The following BNC2 variants were observed in gnomAD, a reference collection of about 807,000 sequenced individuals.
The protein encoded by BNC2 is zinc finger protein basonuclin-2.
BNC2 carries 20 observed loss-of-function variants against 76.3 expected under a neutral mutation model. The observed-to-expected ratio is 0.26, with a 90% CI of 0.18 to 0.38. The LOEUF is 0.38. Among genes scored for constraint, BNC2 ranks in the 10% least tolerant of loss-of-function variants. The probability of loss-of-function intolerance (pLI) is 1.00; values close to 1 mark genes in which losing one functional copy is unlikely to be tolerated. For synonymous variants in BNC2, 582 were observed against 514.8 expected (o/e 1.13, Z -1.77); for missense variants, 1,382 against 1,399.8 (o/e 0.99, Z 0.20).
At chr9:16,530,681 G>C (rs1182115230) in intron 5 of BNC2, among the ~76,000 whole-genome samples, 2 of 152,230 alleles carry the variant, frequency 1.3e-5, no homozygotes, top group Non-Finnish European at 2.9e-5. Context: ...AATGCCTACT[G>C]TGTGAAAGAT....
intron 5 of BNC2, among the ~76,000 whole-genome samples, chr9:16,549,549 T>C (rs557861951): frequency 7.9e-5 from 12 of 152,322 alleles, no homozygotes; most frequent in African/African-American, 2.4e-4. Context: ...AGCCTACTTT[T>C]ACAAAAACGC....
Position 16,412,573 on chromosome 9 carries a change from CTTTA to C in BNC2, c.*6412_*6415del, listed in dbSNP as rs1159649277. 2 of 152,550 alleles carry C rather than the reference CTTTA, an allele frequency of 1.3e-5. No homozygotes were observed. The highest frequency in any genetic ancestry group is 2.4e-5 in the African/African-American group (1 of 41,418). The allele number at this position is 152,550 out of a possible 1,614,324, so 9.4% of individuals were successfully genotyped here. A position where few individuals can be genotyped will look rare whatever the true frequency, so the allele number is the denominator to read the frequency against. On this transcript the variant is annotated 3_prime_UTR_variant, in exon 7 of 7. Coordinates refer to ENST00000380672, the MANE Select transcript of BNC2 (RefSeq NM_017637.6). ...CACAGACAGCATCTCTCTACTGACC[CTTTA>C]TTTAAGAAGTCATCTTGTTACTGTC...
intron 1 of BNC2, among the ~76,000 whole-genome samples, chr9:16,755,536 C>A (rs879667482): frequency 1.3e-5 from 2 of 152,060 alleles, no homozygotes; most frequent in Non-Finnish European, 2.9e-5. Context: ...GAGATGACCC[C>A]CCCATCCTTT....
intron 1 of BNC2, among the ~76,000 whole-genome samples, chr9:16,790,979 A>C (rs527335371): frequency 1.0e-3 from 159 of 152,282 alleles, no homozygotes; most frequent in African/African-American, 3.7e-3. Context: ...GGAGACAAGA[A>C]GGCAACACGA....
rs760877114 is a variant in BNC2 at position 16,456,479 on chromosome 9, C to T, written c.670-18955G>A. 7.4e-4 allele frequency among the ~76,000 whole-genome samples: 109 copies of T among 147,252 alleles called. 1 individual carries two copies. Among genetic ancestry groups the T allele is most frequent in the Non-Finnish European group, 1.1e-3 (73 of 66,950 alleles). ...CCAGGGGATGGAGCTTGCAGTGAGC[C>T]GAGATCACACCACTGCATTCCAGCC... On this transcript the variant is annotated intron_variant, in intron 5 of 6. Transcript: ENST00000380672.
intron 5 of BNC2, among the ~76,000 whole-genome samples, chr9:16,524,930 T>C (rs936186825): frequency 2.6e-5 from 4 of 151,966 alleles, no homozygotes; most frequent in African/African-American, 7.3e-5. Flanking sequence ...AAAAATTAGC[T>C]GGGTGTGGTG....
chr9:16,736,135 G>A (rs527859794), intron 2 of BNC2, among the ~76,000 whole-genome samples: 1 of 151,414 alleles, frequency 6.6e-6, no homozygotes, highest in Non-Finnish European at 1.5e-5. Context: ...TCGGGAAGCT[G>A]AGGCAGGAGA....
At chr9:16,547,879 C>T (rs1400073019) in intron 5 of BNC2, among the ~76,000 whole-genome samples, 1 of 152,128 alleles carries the variant, frequency 6.6e-6, no homozygotes, top group Admixed American at 6.5e-5. Flanking sequence ...CTCCTCAGAG[C>T]CTGTGTTATA....
intron 4 of BNC2, among the ~76,000 whole-genome samples, chr9:16,575,708 CA>C (rs1819464690): frequency 6.6e-6 from 1 of 151,940 alleles, no homozygotes; most frequent in African/African-American, 2.4e-5. Context: ...AGGTCAAGCC[CA>C]AAAAAGCCTC....
chr9:16,453,713 C>A (rs1821389288), intron 5 of BNC2, among the ~76,000 whole-genome samples: 1 of 152,150 alleles, frequency 6.6e-6, no homozygotes, highest in African/African-American at 2.4e-5. Flanking sequence ...CTTCCATATT[C>A]AGCTGAGGCA....
chr9:16,857,382 C>T (rs1051267432), intron 1 of BNC2, among the ~76,000 whole-genome samples: 2 of 148,606 alleles, frequency 1.3e-5, no homozygotes, highest in African/African-American at 5.0e-5. Context: ...GAGGCTAAGG[C>T]AGGAGAATCA....
At position 16,436,778 on chromosome 9, in the gene BNC2, G is replaced by A; in HGVS notation, c.1416C>T (p.Thr472=). 1 of 1,614,146 alleles carries A rather than the reference G, an allele frequency of 6.2e-7. No homozygotes were observed. The highest frequency in any genetic ancestry group is 8.5e-7 in the Non-Finnish European group (1 of 1,180,032). The stretch of plus-strand genomic sequence containing the variant: ...TAAAGACCATGTTGCAACCTTCAAT[G>A]GTGCATCGATGTTTGATCTTCAGGT... The part of the protein sequence containing the change: ...AVHLKIKHRC[T]IEGCNMVFSS... The change falls in exon 6 of 7, where the codon ACC becomes ACT. Residue 472 remains threonine, a synonymous_variant. Coordinates refer to ENST00000380672, the MANE Select transcript of BNC2 (RefSeq NM_017637.6).
At chr9:16,795,383 CTTTT>C (rs34156905) in intron 1 of BNC2, among the ~76,000 whole-genome samples, 3 of 142,714 alleles carry the variant, frequency 2.1e-5, no homozygotes, top group Non-Finnish European at 4.6e-5. Flanking sequence ...CTAATTCTGG[CTTTT>C]TTTTTTTTTT....
intron 5 of BNC2, among the ~76,000 whole-genome samples, chr9:16,472,591 C>A (rs1821848858): frequency 6.6e-6 from 1 of 152,192 alleles, no homozygotes; most frequent in African/African-American, 2.4e-5. Context: ...AAACCAGCCT[C>A]TTAGCCTTCA....
chr9:16,772,029 G>T (rs1196878850), intron 1 of BNC2, among the ~76,000 whole-genome samples: 1 of 152,152 alleles, frequency 6.6e-6, no homozygotes, highest in Non-Finnish European at 1.5e-5. Flanking sequence ...TATGTCTGCA[G>T]CCTCAGCCTT....
intron 5 of BNC2, among the ~76,000 whole-genome samples, chr9:16,461,359 G>C (rs982420466): frequency 3.3e-5 from 5 of 152,120 alleles, no homozygotes; most frequent in Admixed American, 1.3e-4. Flanking sequence ...TGCTTCTCCA[G>C]AAGAACAAGT....
intron 6 of BNC2, among the ~76,000 whole-genome samples, chr9:16,431,712 C>T (rs1354339845): frequency 6.6e-6 from 1 of 152,174 alleles, no homozygotes; most frequent in African/African-American, 2.4e-5. Flanking sequence ...CCAGGGACCA[C>T]TTTCATGGAA....
chr9:16,513,039 A>G (rs1471170356), intron 5 of BNC2, among the ~76,000 whole-genome samples: 2 of 151,990 alleles, frequency 1.3e-5, no homozygotes, highest in Admixed American at 6.6e-5. Flanking sequence ...GGAGGCTGAG[A>G]CATGAGAATC....
In BNC2 at chr9:16,655,916, C is replaced by T. The variant is rs1320008502; in HGVS notation, c.330+71881G>A. Among the ~76,000 whole-genome samples the T allele has an allele frequency of 7.2e-5, 11 of 152,150 alleles. 1 individual carries two copies. The highest frequency in any genetic ancestry group is 5.9e-4 in the Admixed American group (9 of 15,276). On this transcript the variant is annotated intron_variant, in intron 3 of 6. Transcript: ENST00000380672. ...GTTCTAGAAGCCACAGATGTACTGA[C>T]CTCTGACAGAATGAAGATGGACACG...
Sources: gnomAD v4.1 joint callset for allele counts (sites outside exome capture counted in the v4.1 genomes callset) on GRCh38, gnomAD v4.1.1 for gene constraint, MANE v1.5 for transcripts, NCBI Gene and HGNC (gene_info 2026-07-23, HGNC 2026-07-21) for gene names.